The following STK3 variants were observed in gnomAD, a reference collection of about 807,000 sequenced individuals.
The protein encoded by STK3 is serine/threonine-protein kinase 3.
STK3 carries 41 observed loss-of-function variants against 58.0 expected under a neutral mutation model. That is an observed-to-expected ratio of 0.71 (90% CI 0.55 to 0.92). STK3 has a LOEUF of 0.92. Among genes scored for constraint, STK3 ranks in the 40% least tolerant of loss-of-function variants. The probability of loss-of-function intolerance (pLI) is 0.00; values close to 1 mark genes in which losing one functional copy is unlikely to be tolerated. For missense variants in STK3, 479 were observed against 602.7 expected, an observed-to-expected ratio of 0.79 and a Z score of 2.15; for synonymous variants, 170 against 191.0, an observed-to-expected ratio of 0.89 and a Z score of 0.91.
intron 3 of STK3, among the ~76,000 whole-genome samples, chr8:98,857,562 A>C (rs1836728812): frequency 6.7e-6 from 1 of 150,112 alleles, no homozygotes; most frequent in African/African-American, 2.5e-5. Context: ...TAAATGGCTT[A>C]TTTGCTCATT....
chr8:98,598,048 A>C, intron 6 of STK3: 1 of 985,424 alleles, frequency 1.0e-6, no homozygotes, highest in Non-Finnish European at 1.2e-6. Context: ...TTGAACTCTC[A>C]TCTCTGTGAA....
At chr8:98,863,445 T>C (rs1462875141) in intron 3 of STK3, among the ~76,000 whole-genome samples, 1 of 152,098 alleles carries the variant, frequency 6.6e-6, no homozygotes, top group South Asian at 2.1e-4. Flanking sequence ...ATAATAGAGA[T>C]AACAGTAGCA....
chr8:98,408,778 T>A (rs992792124), intron 3 of STK3, among the ~76,000 whole-genome samples: 7 of 152,218 alleles, frequency 4.6e-5, no homozygotes, highest in African/African-American at 1.7e-4. Context: ...GACAATAGGC[T>A]GGATAAATGA....
intron 10 of STK3, among the ~76,000 whole-genome samples, chr8:98,484,543 A>G (rs1822096969): frequency 6.6e-6 from 1 of 152,196 alleles, no homozygotes; most frequent in Non-Finnish European, 1.5e-5. Context: ...GTACAAGTTT[A>G]TGGACTTTTT....
chr8:98,616,916 C>T (rs1448964622), intron 6 of STK3, among the ~76,000 whole-genome samples: 1 of 151,904 alleles, frequency 6.6e-6, no homozygotes, highest in Non-Finnish European at 1.5e-5. Flanking sequence ...GACAGAAAGT[C>T]AACAAGGATA....
At chr8:98,581,353 T>C (rs1813866420) in intron 7 of STK3, among the ~76,000 whole-genome samples, 1 of 152,294 alleles carries the variant, frequency 6.6e-6, no homozygotes, top group East Asian at 1.9e-4. Flanking sequence ...TGGGTTCTTA[T>C]TCCTGCCTGG....
At chr8:98,697,941 C>G (rs1381993073) in intron 6 of STK3, among the ~76,000 whole-genome samples, 1 of 152,182 alleles carries the variant, frequency 6.6e-6, no homozygotes, top group African/African-American at 2.4e-5. Context: ...TCTGGTTGAT[C>G]TGTCTAATGT....
chr8:98,714,239 T>C (rs1285153526), intron 4 of STK3, among the ~76,000 whole-genome samples: 1 of 152,204 alleles, frequency 6.6e-6, no homozygotes, highest in African/African-American at 2.4e-5. Flanking sequence ...ATGCCCTCTC[T>C]CACCGCTCCT....
intron 3 of STK3, among the ~76,000 whole-genome samples, chr8:98,844,915 A>G (rs1486386899): frequency 6.6e-6 from 1 of 152,126 alleles, no homozygotes; most frequent in Admixed American, 6.5e-5. Context: ...TGTTTTTTCT[A>G]CTTTCCAATA....
intron 6 of STK3, among the ~76,000 whole-genome samples, chr8:98,605,035 C>T (rs942958950): frequency 6.6e-6 from 1 of 152,126 alleles, no homozygotes; most frequent in East Asian, 1.9e-4. Context: ...CATCTCCATC[C>T]GAGACCTCAT....
At chr8:98,461,963 CT>C (rs59935847) in intron 10 of STK3, among the ~76,000 whole-genome samples, 144,972 of 149,776 alleles carry the variant, frequency 0.97, 70,196 homozygotes, top group East Asian at 0.99. Flanking sequence ...AATTAAAACA[CT>C]TTTTTTTTTT....
At chr8:98,491,586 G>A (rs552053245) in intron 10 of STK3, among the ~76,000 whole-genome samples, 221 of 152,174 alleles carry the variant, frequency 1.5e-3, no homozygotes, top group Non-Finnish European at 2.0e-3. Context: ...AATTACAAGC[G>A]TGTGCCACTG....
chr8:98,643,104 G>A (rs538932028), intron 6 of STK3, among the ~76,000 whole-genome samples: 1 of 152,186 alleles, frequency 6.6e-6, no homozygotes, highest in African/African-American at 2.4e-5. Context: ...ACACACACCT[G>A]TCGTCTCAGC....
intron 3 of STK3, among the ~76,000 whole-genome samples, chr8:98,766,684 G>A (rs1830971428): frequency 6.6e-6 from 1 of 152,088 alleles, no homozygotes; most frequent in African/African-American, 2.4e-5. Context: ...TCTAAGGGTT[G>A]AGATTACAGG....
intron 3 of STK3, among the ~76,000 whole-genome samples, chr8:98,857,667 C>A (rs973053781): frequency 6.6e-6 from 1 of 152,042 alleles, no homozygotes; most frequent in Admixed American, 6.6e-5. Flanking sequence ...CATTAAAGTC[C>A]ATTTAAAACT....
intron 3 of STK3, among the ~76,000 whole-genome samples, chr8:98,876,469 C>A (rs1443020163): frequency 6.6e-6 from 1 of 152,132 alleles, no homozygotes; most frequent in Non-Finnish European, 1.5e-5. Flanking sequence ...AGAGTCAGAT[C>A]TCTGTCTGCC....
In STK3 at chr8:98,598,281, C is replaced by T. The variant is rs139188295; in HGVS notation, c.685-2112G>A. The T allele has an allele frequency of 2.0e-3, 2,001 of 985,346 alleles. 25 individuals carry two copies. The African/African-American group carries it at 0.032, about 16-fold the overall frequency. The allele number at this position is 985,346 out of a possible 1,614,324, so 61.0% of individuals were successfully genotyped here. A position where few individuals can be genotyped will look rare whatever the true frequency, so the allele number is the denominator to read the frequency against. On this transcript the variant is annotated intron_variant, in intron 6 of 10. Transcript: ENST00000419617. Reference sequence around the variant, plus strand: ...TCTTAACATATAAGGCTCACCTTAGCAGTAGCTATTAGAAACCCAAGGATA... The same window carrying T: ...TCTTAACATATAAGGCTCACCTTAGTAGTAGCTATTAGAAACCCAAGGATA...
chr8:98,680,973 C>A (rs945410252), intron 6 of STK3, among the ~76,000 whole-genome samples: 13 of 148,794 alleles, frequency 8.7e-5, no homozygotes, highest in African/African-American at 3.2e-4. Flanking sequence ...GTTTCTAACC[C>A]CACCTTTCTT....
At position 98,428,915 on chromosome 8, in the gene STK3, C is replaced by T. The variant is rs1250934772; in HGVS notation, n.483+5212G>A. 6.2e-7 allele frequency: 1 copy of T among 1,614,178 alleles called. No homozygotes were observed. Among genetic ancestry groups the T allele is most frequent in the African/African-American group, 1.3e-5 (1 of 75,042 alleles). On this transcript the variant is annotated intron_variant and non_coding_transcript_variant, in intron 3 of 3. Coordinates refer to the STK3 transcript ENST00000517832. The surrounding 1 kb of genome is among the most constrained non-coding windows in gnomAD (Gnocchi z 6.7). Reference sequence around the variant, plus strand: ...GCATCTTAAAGCTGGCCAGGCACTCCACTGGCCTCCGCTCCCTGGGGGCCA... The same window carrying T: ...GCATCTTAAAGCTGGCCAGGCACTCTACTGGCCTCCGCTCCCTGGGGGCCA...
Sources: allele counts gnomAD v4.1 joint callset (sites outside exome capture counted in the v4.1 genomes callset), GRCh38; gene constraint gnomAD v4.1.1; non-coding constraint Gnocchi (gnomAD v3.1); transcripts MANE v1.5; gene names NCBI Gene and HGNC (gene_info 2026-07-23, HGNC 2026-07-21).